SNRNP200: variants seen among roughly 807,000 people sequenced by gnomAD.
SNRNP200 encodes the protein small nuclear ribonucleoprotein U5 subunit 200, also known as U5 small nuclear ribonucleoprotein 200 kDa helicase.
A neutral mutation model predicts 255.2 loss-of-function variants in SNRNP200; 66 were observed. The observed-to-expected ratio is 0.26, with a 90% CI of 0.21 to 0.32. The LOEUF is 0.32. SNRNP200 is among the 10% of genes least tolerant of loss of function. The probability of loss-of-function intolerance (pLI) is 1.00; values close to 1 mark genes in which losing one functional copy is unlikely to be tolerated. For synonymous variants in SNRNP200, 939 were observed against 1,027.8 expected (o/e 0.91, Z 1.65); for missense variants, 1,585 against 2,749.8 (o/e 0.58, Z 9.47).
At chr2:96,292,552 G>T (rs2063890852) in intron 16 of SNRNP200, among the ~76,000 whole-genome samples, 1 of 152,116 alleles carries the variant, frequency 6.6e-6, no homozygotes, top group Non-Finnish European at 1.5e-5. Flanking sequence ...CATTTTTAGT[G>T]TAAGTGACCC....
At position 96,296,969 on chromosome 2, in the gene SNRNP200, A is replaced by G. The variant is rs1207266067; in HGVS notation, c.1479T>C (p.Leu493=). The change falls in exon 12 of 45, where the codon CTT becomes CTC. Residue 493 remains leucine, a synonymous_variant. Transcript: ENST00000323853. Reference sequence around the variant, plus strand: ...ACAGCAGCAGATTCTCATCCGTCTCAAGGGCAGCACGGTAGAGCTTACTCT... The same window carrying G: ...ACAGCAGCAGATTCTCATCCGTCTCGAGGGCAGCACGGTAGAGCTTACTCT... ...RIQSKLYRAA[L]ETDENLLLCA... The G allele has an allele frequency of 6.2e-7, 1 of 1,614,238 alleles. No individual in the cohort carries two copies. The highest frequency in any genetic ancestry group is 8.5e-7 in the Non-Finnish European group (1 of 1,180,044).
At position 96,274,999 on chromosome 2, in the gene SNRNP200, A is replaced by G. The variant is rs538296080; in HGVS notation, c.*13T>C. 1.2e-6 allele frequency: 2 copies of G among 1,613,486 alleles called. No individual in the cohort carries two copies. The highest frequency in any genetic ancestry group is 1.7e-6 in the Non-Finnish European group (2 of 1,180,008). Reference sequence around the variant, plus strand: ...CTCAACTCTCCTTTACCCAAAAGTAAATGCCTCAGGACTCAATCTGAATCA... The same window carrying G: ...CTCAACTCTCCTTTACCCAAAAGTAGATGCCTCAGGACTCAATCTGAATCA... On this transcript the variant is annotated 3_prime_UTR_variant, in exon 45 of 45. Transcript: ENST00000323853.
rs1194058798 is a variant in SNRNP200, at chr2:96,277,999, G to A, written c.5611-49C>T. The A allele has an allele frequency of 1.9e-6, 3 of 1,613,594 alleles. No homozygotes were observed. Among genetic ancestry groups the A allele is most frequent in the African/African-American group, 2.7e-5 (2 of 74,924 alleles). ...TGGTGATGAACAGGTGACCCTGCCT[G>A]AGACCAGCTCAGGCCAAAGCACCAC... On this transcript the variant is annotated intron_variant, in intron 39 of 44. Transcript: ENST00000323853. The surrounding 1 kb of genome is among the most constrained non-coding windows in gnomAD (Gnocchi z 4.4).
rs1429984595 is a variant in SNRNP200, at chr2:96,295,164, G to A, written c.1842+324C>T. Among the ~76,000 whole-genome samples the A allele has an allele frequency of 5.3e-5, 8 of 152,264 alleles. No homozygotes were observed. The East Asian group carries it at 5.8e-4, about 11-fold the overall frequency. On this transcript the variant is annotated intron_variant, in intron 14 of 44. Transcript: ENST00000323853. ...GCAGAGGCTGCAGTGAGCCAAGATC[G>A]TGCCACTGTACTCAGCCTGGGCGAC...
At position 96,283,109 on chromosome 2, in the gene SNRNP200, T is replaced by C; in HGVS notation, c.4915+92A>G. 1.4e-6 allele frequency: 2 copies of C among 1,480,740 alleles called. No individual in the cohort carries two copies. Among genetic ancestry groups the C allele is most frequent in the South Asian group, 1.1e-5 (1 of 88,312 alleles). 91.7% of individuals were successfully genotyped at this position (1,480,740 alleles called of 1,614,324 possible). On this transcript the variant is annotated intron_variant, in intron 34 of 44. Coordinates refer to ENST00000323853, the MANE Select transcript of SNRNP200 (RefSeq NM_014014.5). The surrounding 1 kb of genome is among the most constrained non-coding windows in gnomAD (Gnocchi z 4.7). ...AGTATTTTGAAAATCTCTGGTATGC[T>C]GTAGAGAAAACACTGCCACCCGCAC...
At chr2:96,292,434 ATT>A (rs980018866) in intron 16 of SNRNP200, among the ~76,000 whole-genome samples, 2 of 152,158 alleles carry the variant, frequency 1.3e-5, no homozygotes, top group Non-Finnish European at 2.9e-5. Context: ...ACTTTTCCTT[ATT>A]TTTTGTTAGT....
intron 6 of SNRNP200, 119 bp downstream of exon 6, chr2:96,299,207 TTTA>T: frequency 9.9e-7 from 1 of 1,007,150 alleles, no homozygotes; most frequent in Non-Finnish European, 1.6e-6. Flanking sequence ...ACACTAAGTG[TTTA>T]TTATAGTTCA....
Position 96,287,034 on chromosome 2 carries a change from A to T in SNRNP200, c.3611T>A (p.Ile1204Asn). ...TRSTLKVELT[I>N]TPDFQWDEKV... is the part of the protein sequence containing the mutation. ...TTCATCCCACTGGAAGTCTGGCGTGATGGTCAGCTCCACCTTCAGGGTGGA... is the reference window on the plus strand; with the variant it reads ...TTCATCCCACTGGAAGTCTGGCGTGTTGGTCAGCTCCACCTTCAGGGTGGA... The change falls in exon 27 of 45, where the codon ATC becomes AAC. Residue 1204 changes from isoleucine to asparagine, a missense_variant. Physicochemically the swap from Ile to Asn is moderately radical, Grantham distance 149 (BLOSUM62 -3). This residue lies in a region of SNRNP200 where 719 missense variants were observed against 1,091.1 expected (regional missense o/e 0.66). Coordinates refer to ENST00000323853, the MANE Select transcript of SNRNP200 (RefSeq NM_014014.5). The surrounding 1 kb of genome is among the most constrained non-coding windows in gnomAD (Gnocchi z 5.7). 2 of 1,614,178 alleles carry T rather than the reference A, an allele frequency of 1.2e-6. No homozygotes were observed. Among genetic ancestry groups the T allele is most frequent in the Non-Finnish European group, 1.7e-6 (2 of 1,180,022 alleles).
In SNRNP200 at chr2:96,286,188, G is replaced by A; in HGVS notation, c.4003+123C>T. ...GAAAAAGTCCTGGTGGGTCCCAGCG[G>A]TCACACTGAGGAGCTCCCAGACCTC... On this transcript the variant is annotated intron_variant, in intron 29 of 44. Coordinates refer to ENST00000323853, the MANE Select transcript of SNRNP200 (RefSeq NM_014014.5). This position sits in a 1 kb window ranked among gnomAD's most constrained non-coding sequence, Gnocchi z 4.8. The A allele has an allele frequency of 1.0e-6, 1 of 960,072 alleles. No individual in the cohort carries two copies. The highest frequency in any genetic ancestry group is 1.7e-6 in the Non-Finnish European group (1 of 589,162). The allele number at this position is 960,072 out of a possible 1,614,324, so 59.5% of individuals were successfully genotyped here.
At position 96,284,438 on chromosome 2, in the gene SNRNP200, G is replaced by T. The variant is rs751472870; in HGVS notation, c.4312C>A (p.Arg1438=). ...TGCACGTTCTTGCGCTGCTTCCATC[G>T]CCGGGAAAGTATGTCCCACTTCTCA... is the stretch of plus-strand genomic sequence containing the variant. ...TPEKWDILSR[R]WKQRKNVQNI... Residue 1438 remains arginine (R), a synonymous_variant, in exon 31 of 45, where the codon CGA becomes AGA. Coordinates refer to ENST00000323853, the MANE Select transcript of SNRNP200 (RefSeq NM_014014.5). The T allele has an allele frequency of 6.2e-7, 1 of 1,614,092 alleles. No homozygotes were observed. The highest frequency in any genetic ancestry group is 1.1e-5 in the South Asian group (1 of 91,070).
chr2:96,290,003 G>C lies in SNRNP200; in HGVS notation c.2743-7C>G. 6.2e-7 allele frequency: 1 copy of C among 1,613,948 alleles called. No homozygotes were observed. The highest frequency in any genetic ancestry group is 1.1e-5 in the South Asian group (1 of 91,066). ...CCAGCCAGTTCACCGCATCCTACAA[G>C]ACACAGCTCATGGTTCTTAGCATGG... is the stretch of plus-strand genomic sequence containing the variant. On this transcript the variant is annotated splice_region_variant and splice_polypyrimidine_tract_variant and intron_variant, in intron 20 of 44. Coordinates refer to ENST00000323853, the MANE Select transcript of SNRNP200 (RefSeq NM_014014.5). The surrounding 1 kb of genome is among the most constrained non-coding windows in gnomAD (Gnocchi z 4.5).
At chr2:96,275,972 G>A (rs1397184290) in intron 43 of SNRNP200, among the ~76,000 whole-genome samples, 1 of 152,156 alleles carries the variant, frequency 6.6e-6, no homozygotes, top group African/African-American at 2.4e-5. Flanking sequence ...CGCCACTGCA[G>A]TCCAGCCTGG....
chr2:96,285,806 A>G (rs1245419571), intron 29 of SNRNP200, among the ~76,000 whole-genome samples: 4 of 152,228 alleles, frequency 2.6e-5, no homozygotes, highest in Non-Finnish European at 1.5e-5. Flanking sequence ...AGTTGGTTCA[A>G]CTGGGGAACC....
chr2:96,284,664 G>A, intron 30 of SNRNP200, 79 bp from the exon 31 acceptor site: 2 of 984,768 alleles, frequency 2.0e-6, no homozygotes, highest in Non-Finnish European at 1.6e-6. Context: ...AACCTGAGAT[G>A]CCAAACAGAC....
At position 96,297,058 on chromosome 2, in the gene SNRNP200, C is replaced by A; in HGVS notation, c.1390G>T (p.Val464Leu). 6.2e-7 allele frequency: 1 copy of A among 1,614,204 alleles called. No homozygotes were observed. The highest frequency in any genetic ancestry group is 1.1e-5 in the South Asian group (1 of 91,086). Residue 464 changes from valine (V) to leucine (L), a missense_variant, in exon 12 of 45, where the codon GTG (valine) becomes TTG (leucine). This residue lies in a region of SNRNP200 where 383 missense variants were observed against 645.3 expected (regional missense o/e 0.59). Coordinates refer to ENST00000323853, the MANE Select transcript of SNRNP200 (RefSeq NM_014014.5). ...PFGSEEQLLP[V>L]EKLPKYAQAG... is the part of the protein sequence containing the mutation. ...TGGGCATACTTTGGCAGCTTTTCCA[C>A]TGGAAGCAGTTGCTAGAAGAAAAGA...
chr2:96,286,734 C>T lies in SNRNP200; in HGVS notation c.3783G>A (p.Pro1261=), dbSNP rs770679567. ...LITFFVPVFE[P]LPPQYFIRVV... Reference sequence around the variant, plus strand: ...CTCGGATGAAGTACTGAGGGGGCAGCGGTTCAAAGACAGGCACGAAGAATG... The same window carrying T: ...CTCGGATGAAGTACTGAGGGGGCAGTGGTTCAAAGACAGGCACGAAGAATG... Residue 1261 remains proline, a synonymous_variant, in exon 28 of 45, where the codon CCG becomes CCA. Transcript: ENST00000323853. The surrounding 1 kb of genome is among the most constrained non-coding windows in gnomAD (Gnocchi z 4.8). 4.3e-5 allele frequency: 70 copies of T among 1,613,972 alleles called. No homozygotes were observed. Among genetic ancestry groups the T allele is most frequent in the Non-Finnish European group, 5.8e-5 (68 of 1,180,024 alleles).
At position 96,298,695 on chromosome 2, in the gene SNRNP200, C is replaced by T. The variant is rs2063934632; in HGVS notation, c.890G>A (p.Ser297Asn). 6.2e-7 allele frequency: 1 copy of T among 1,614,216 alleles called. No homozygotes were observed. Among genetic ancestry groups the T allele is most frequent in the East Asian group, 2.2e-5 (1 of 44,888 alleles). The change falls in exon 8 of 45, where the codon AGT becomes AAT. Residue 297 changes from serine (S) to asparagine (N), a missense_variant. Around this residue, in one of 9 missense-constraint regions of SNRNP200, gnomAD observed 383 missense variants for 645.3 expected, o/e 0.59. Transcript: ENST00000323853. The part of the protein sequence containing the change: ...DEVLEILKTA[S>N]DDRECENQLV... ...CTGATTTTCACATTCCCGATCATCA[C>T]TGGCCGTCTGCAGAGAGCAGGTAAC...
rs749090973 is a variant in SNRNP200 at position 96,283,745 on chromosome 2, G to T, written c.4585-32C>A. The T allele has an allele frequency of 3.1e-6, 5 of 1,613,902 alleles. No homozygotes were observed. The highest frequency in any genetic ancestry group is 1.7e-5 in the Admixed American group (1 of 60,002). ...ACCGGGGAGAAGAAAAGACACCAAG[G>T]TTATCAGACCTGGGTCACTCAGGAT... On this transcript the variant is annotated intron_variant, in intron 32 of 44. Coordinates refer to ENST00000323853, the MANE Select transcript of SNRNP200 (RefSeq NM_014014.5). This position sits in a 1 kb window ranked among gnomAD's most constrained non-coding sequence, Gnocchi z 4.7.
rs886056456 is a variant in SNRNP200 at position 96,274,803 on chromosome 2, A to T, written c.*209T>A. 1.6e-6 allele frequency: 1 copy of T among 613,578 alleles called. No individual in the cohort carries two copies. Among genetic ancestry groups the T allele is most frequent in the East Asian group, 2.8e-5 (1 of 35,980 alleles). The allele number at this position is 613,578 out of a possible 1,614,324, so 38.0% of individuals were successfully genotyped here. ...CCAGGAACATGCCTGAAAATGCTAT[A>T]TATGATTTATGCTTGACCCATGACA... On this transcript the variant is annotated 3_prime_UTR_variant, in exon 45 of 45. Coordinates refer to ENST00000323853, the MANE Select transcript of SNRNP200 (RefSeq NM_014014.5).
Sources: allele counts gnomAD v4.1 joint callset (sites outside exome capture counted in the v4.1 genomes callset), GRCh38; gene constraint gnomAD v4.1.1; regional missense constraint gnomAD v4.1.1; non-coding constraint Gnocchi (gnomAD v3.1); transcripts MANE v1.5; gene names NCBI Gene and HGNC (gene_info 2026-07-23, HGNC 2026-07-21).